KRT15: variants seen among roughly 807,000 people sequenced by gnomAD.
The protein encoded by KRT15 is keratin, type I cytoskeletal 15.
KRT15 carries 45 observed loss-of-function variants against 46.6 expected under a neutral mutation model. The ratio of observed to expected loss-of-function variants is 0.97; its 90% CI spans 0.76 to 1.24. The LOEUF is 1.24. Ranked by LOEUF, KRT15 falls within the 50% of genes most tolerant of loss-of-function variation. KRT15 has a pLI of 0.00. For synonymous variants in KRT15, 221 were observed against 233.8 expected (o/e 0.95, Z 0.50); for missense variants, 592 against 588.9 (o/e 1.01, Z -0.05).
rs374734265 is a variant in KRT15, at chr17:41,517,111, T to C, written c.553A>G (p.Arg185Gly). Residue 185 changes from arginine to glycine, a missense_variant, in exon 2 of 8, where the codon AGG (arginine) becomes GGG (glycine). Coordinates refer to ENST00000254043, the MANE Select transcript of KRT15 (RefSeq NM_002275.4). ...AGCCTGAAGTCGTCCGCAGCCAGCCTGGCATTGTCGATCTCCAGGATGACC... is the reference window on the plus strand; with the variant it reads ...AGCCTGAAGTCGTCCGCAGCCAGCCCGGCATTGTCGATCTCCAGGATGACC... Reference protein sequence around the residue: ...SRVILEIDNARLAADDFRLKY... With the variant: ...SRVILEIDNAGLAADDFRLKY... 7 of 1,614,038 alleles carry C rather than the reference T, an allele frequency of 4.3e-6. No individual in the cohort carries two copies. In the African/African-American group the frequency reaches 9.3e-5, roughly 22 times the overall value.
rs140276645 is a variant in KRT15 at position 41,515,579 on chromosome 17, G to T, written c.1140C>A (p.Cys380Ter). ...ACTCCTGGTTCTGAGCCTCCATCTC[G>T]CATCGGAGCTCACTCAGCTGGGCCT... is the stretch of plus-strand genomic sequence containing the variant. Reference protein sequence around the residue: ...GLEAQLSELRCEMEAQNQEYK... With the variant: ...GLEAQLSELR The change falls in exon 6 of 8, where the codon TGC (cysteine) becomes TGA (stop). Residue 380 changes from cysteine (C) to a stop codon, truncating the protein, a stop_gained. Coordinates refer to ENST00000254043, the MANE Select transcript of KRT15 (RefSeq NM_002275.4). LOFTEE classifies it high-confidence loss of function. 4 of 1,614,090 alleles carry T rather than the reference G, an allele frequency of 2.5e-6. No homozygotes were observed. The highest frequency in any genetic ancestry group is 2.2e-5 in the East Asian group (1 of 44,858).
Position 41,514,200 on chromosome 17 carries a change from G to A in KRT15, c.1274-80C>T, listed in dbSNP as rs564865844. ...GTGGCCAGGACCTTGGCGGGGCTCT[G>A]GGAAAACTAGACAGCACCCCTGAGA... On this transcript the variant is annotated intron_variant, in intron 7 of 7. Coordinates refer to ENST00000254043, the MANE Select transcript of KRT15 (RefSeq NM_002275.4). The A allele has an allele frequency of 1.8e-5, 19 of 1,077,278 alleles. No individual in the cohort carries two copies. In the Admixed American group the frequency reaches 2.7e-4, roughly 15 times the overall value. The allele number at this position is 1,077,278 out of a possible 1,614,324, so 66.7% of individuals were successfully genotyped here.
intron 6 of KRT15, 52 bp from the exon 7 acceptor site, chr17:41,514,726 C>T (rs371538513): frequency 1.0e-5 from 16 of 1,598,916 alleles, no homozygotes; most frequent in Admixed American, 3.4e-5. Context: ...CTCAAGTGTC[C>T]GTAAGGGAAG....
chr17:41,514,058 C>T lies in KRT15; in HGVS notation c.1336G>A (p.Gly446Arg), dbSNP rs560627933. 42 of 1,614,086 alleles carry T rather than the reference C, an allele frequency of 2.6e-5. No individual in the cohort carries two copies. The Admixed American group carries it at 6.7e-4, about 26-fold the overall frequency. Residue 446 changes from glycine to arginine, a missense_variant, in exon 8 of 8, where the codon GGA becomes AGA. Coordinates refer to ENST00000254043, the MANE Select transcript of KRT15 (RefSeq NM_002275.4). ...FHINVEESVD[G>R]QVVSSHKREI ...CTCTTGTGGGAAGAAACCACCTGTC[C>T]ATCCACTGACTCTTCTACATTGATG... is the stretch of plus-strand genomic sequence containing the variant.
rs764295675 is a variant in KRT15 at position 41,516,157 on chromosome 17, C to G, written c.847G>C (p.Glu283Gln). The change falls in exon 4 of 8, where the codon GAG (glutamate) becomes CAG (glutamine). Residue 283 changes from glutamate to glutamine, a missense_variant. Glu to Gln is a conservative substitution (Grantham distance 29, BLOSUM62 2). Transcript: ENST00000254043. The part of the protein sequence containing the change: ...RVLAEMREQY[E>Q]AMAEKNRRDV... ...CGGCGGTTCTTCTCCGCCATGGCCT[C>G]GTACTGCTCCCTCATCTCTGCCAGC... is the stretch of plus-strand genomic sequence containing the variant. 1.2e-6 allele frequency: 2 copies of G among 1,614,106 alleles called. No homozygotes were observed. The highest frequency in any genetic ancestry group is 1.3e-5 in the African/African-American group (1 of 74,938).
chr17:41,514,680 A>G lies in KRT15; in HGVS notation c.1248-6T>C. On this transcript the variant is annotated splice_polypyrimidine_tract_variant and splice_region_variant and intron_variant, in intron 6 of 7. Coordinates refer to ENST00000254043, the MANE Select transcript of KRT15 (RefSeq NM_002275.4). ...TGATGGCAATGCCAGCCATCCTGAAAGAAAGAGGGAAGCTGATTTAAGCAA... is the reference window on the plus strand; with the variant it reads ...TGATGGCAATGCCAGCCATCCTGAAGGAAAGAGGGAAGCTGATTTAAGCAA... 6.2e-7 allele frequency: 1 copy of G among 1,613,382 alleles called. No homozygotes were observed. Among genetic ancestry groups the G allele is most frequent in the Non-Finnish European group, 8.5e-7 (1 of 1,179,494 alleles).
At chr17:41,515,820 A>G (rs1327075357) in intron 5 of KRT15, 65 bp downstream of exon 5, 36 of 1,611,762 alleles carry the variant, frequency 2.2e-5, no homozygotes, top group Non-Finnish European at 2.3e-5. Flanking sequence ...CCAAGGCTTA[A>G]ATAGCCAGGA....
At chr17:41,517,300 C>A in intron 1 of KRT15, 135 bp from the exon 2 acceptor site, 1 of 728,562 alleles carries the variant, frequency 1.4e-6, no homozygotes, top group South Asian at 1.7e-5. Context: ...CAACAAAAAT[C>A]TGTACGGCTT....
Position 41,518,569 on chromosome 17 carries a change from C to CA in KRT15, c.258dup (p.Gly87TrpfsTer19). On this transcript the variant is annotated frameshift_variant, in exon 1 of 8. Transcript: ENST00000254043. LOFTEE classifies it high-confidence loss of function. Reference sequence around the variant, plus strand: ...CCACCAAAGCCACCACCAAAACCCCCACCAACGCCCCCTCCAAAGCCTCCA... The same window carrying CA: ...CCACCAAAGCCACCACCAAAACCCCCAACCAACGCCCCCTCCAAAGCCTCCA... The CA allele has an allele frequency of 6.2e-7, 1 of 1,613,970 alleles. No individual in the cohort carries two copies. The highest frequency in any genetic ancestry group is 8.5e-7 in the Non-Finnish European group (1 of 1,179,990).
intron 1 of KRT15, chr17:41,517,524 C>T: frequency 3.2e-6 from 1 of 311,086 alleles, no homozygotes; most frequent in Non-Finnish European, 6.2e-6. Context: ...ACTCCACCAG[C>T]CCCACTGTGG....
At chr17:41,514,771 C>A in intron 6 of KRT15, 97 bp from the exon 7 acceptor site, 1 of 1,293,556 alleles carries the variant, frequency 7.7e-7, no homozygotes, top group East Asian at 2.4e-5. Context: ...TCTTCAGACC[C>A]TACACCACCA....
Position 41,514,685 on chromosome 17 carries a change from G to C in KRT15, c.1248-11C>G, listed in dbSNP as rs1905273075. 6 of 1,613,304 alleles carry C rather than the reference G, an allele frequency of 3.7e-6. No homozygotes were observed. Among genetic ancestry groups the C allele is most frequent in the Non-Finnish European group, 5.1e-6 (6 of 1,179,460 alleles). On this transcript the variant is annotated splice_polypyrimidine_tract_variant and intron_variant, in intron 6 of 7. Coordinates refer to ENST00000254043, the MANE Select transcript of KRT15 (RefSeq NM_002275.4). Reference sequence around the variant, plus strand: ...GCAATGCCAGCCATCCTGAAAGAAAGAGGGAAGCTGATTTAAGCAAAGGGC... The same window carrying C: ...GCAATGCCAGCCATCCTGAAAGAAACAGGGAAGCTGATTTAAGCAAAGGGC...
intron 1 of KRT15, 135 bp downstream of exon 1, chr17:41,518,195 T>G (rs1349441069): frequency 2.0e-6 from 2 of 1,017,604 alleles, no homozygotes; most frequent in African/African-American, 3.2e-5. Context: ...CATTCCAAAT[T>G]TGCTGAGATT....
intron 1 of KRT15, 65 bp from the exon 2 acceptor site, chr17:41,517,230 C>G: frequency 7.3e-7 from 1 of 1,374,184 alleles, no homozygotes; most frequent in East Asian, 2.3e-5. Flanking sequence ...CTGCTCTGCA[C>G]CCAAGGCCAG....
At position 41,518,565 on chromosome 17, in the gene KRT15, C is replaced by A; in HGVS notation, c.263G>T (p.Gly88Val). The A allele has an allele frequency of 6.2e-7, 1 of 1,613,596 alleles. No homozygotes were observed. Among genetic ancestry groups the A allele is most frequent in the East Asian group, 2.2e-5 (1 of 44,854 alleles). The change falls in exon 1 of 8, where the codon GGT becomes GTT. Residue 88 changes from glycine (G) to valine (V), a missense_variant. By Grantham distance (109) the Gly-to-Val change is moderately radical. Coordinates refer to ENST00000254043, the MANE Select transcript of KRT15 (RefSeq NM_002275.4). The stretch of plus-strand genomic sequence containing the variant: ...GCCACCACCAAAGCCACCACCAAAA[C>A]CCCCACCAACGCCCCCTCCAAAGCC... ...GGGFGGGVGG[G>V]FGGGFGGGDG...
At chr17:41,514,627 C>T (rs1220305143) in intron 7 of KRT15, 22 bp downstream of exon 7, 19 of 1,612,410 alleles carry the variant, frequency 1.2e-5, no homozygotes, top group South Asian at 1.1e-4. Flanking sequence ...CACCCCACAC[C>T]AGAAGAGTAA....
chr17:41,514,119 G>T lies in KRT15; in HGVS notation c.1275C>A (p.Ala425=). 1 of 1,613,044 alleles carries T rather than the reference G, an allele frequency of 6.2e-7. No individual in the cohort carries two copies. The highest frequency in any genetic ancestry group is 8.5e-7 in the Non-Finnish European group (1 of 1,178,998). Reference sequence around the variant, plus strand: ...TGCTGCTACCACCACCTCCTGAAGAGGCTAGAGAGAGAAGGAGTAGGCTTT... The same window carrying T: ...TGCTGCTACCACCACCTCCTGAAGATGCTAGAGAGAGAAGGAGTAGGCTTT... ...AKMAGIAIRE[A]SSGGGGSSSN... The change falls in exon 8 of 8, where the codon GCC becomes GCA. Residue 425 remains alanine (A), a splice_region_variant and synonymous_variant. Coordinates refer to ENST00000254043, the MANE Select transcript of KRT15 (RefSeq NM_002275.4).
rs372361335 is a variant in KRT15 at position 41,515,687 on chromosome 17, A to G, written c.1032T>C (p.Ala344=). ...TCTCGGCCAGTGAGTTCTCCAGCCC[A>G]GCTTTCTGGGGGAGTGACAGATGCA... ...IELQSQLSMK[A]GLENSLAETE... Residue 344 remains alanine, a synonymous_variant, in exon 6 of 8, where the codon GCT becomes GCC. Coordinates refer to ENST00000254043, the MANE Select transcript of KRT15 (RefSeq NM_002275.4). The G allele has an allele frequency of 6.2e-7, 1 of 1,613,466 alleles. No homozygotes were observed. Among genetic ancestry groups the G allele is most frequent in the Non-Finnish European group, 8.5e-7 (1 of 1,179,598 alleles).
intron 7 of KRT15, 76 bp from the exon 8 acceptor site, chr17:41,514,196 C>T: frequency 8.6e-7 from 1 of 1,169,210 alleles, no homozygotes. Flanking sequence ...CTTGGCGGGG[C>T]TCTGGGAAAA....
Sources: gnomAD v4.1 joint callset for allele counts on GRCh38, gnomAD v4.1.1 for gene constraint, MANE v1.5 for transcripts, NCBI Gene and HGNC (gene_info 2026-07-23, HGNC 2026-07-21) for gene names.